Variants in MMP26 observed in about 807,000 individuals in gnomAD.
The protein encoded by MMP26 is matrix metalloproteinase-26.
A neutral mutation model predicts 31.0 loss-of-function variants in MMP26; 33 were observed. That is an observed-to-expected ratio of 1.06 (90% CI 0.81 to 1.42). MMP26 has a LOEUF of 1.42. MMP26 is among the 40% of genes most tolerant of loss of function. The probability of loss-of-function intolerance (pLI) is 0.00; values close to 1 mark genes in which losing one functional copy is unlikely to be tolerated. For missense variants in MMP26, 347 were observed against 316.1 expected, an observed-to-expected ratio of 1.10 and a Z score of -0.74; for synonymous variants, 122 against 114.9, an observed-to-expected ratio of 1.06 and a Z score of -0.40.
intron 2 of MMP26, among the ~76,000 whole-genome samples, chr11:4,982,465 A>G (rs1271431755): frequency 6.6e-6 from 1 of 152,160 alleles, no homozygotes; most frequent in Non-Finnish European, 1.5e-5. Flanking sequence ...TGCCTGTATG[A>G]AAGTTAAAAA....
At chr11:4,742,797 G>A (rs1371613229) in intron 1 of MMP26, among the ~76,000 whole-genome samples, 1 of 152,132 alleles carries the variant, frequency 6.6e-6, no homozygotes. Context: ...ACTTTGCAAG[G>A]TAGTTGAAAC....
chr11:4,891,884 AT>A (rs1263716274), intron 2 of MMP26, among the ~76,000 whole-genome samples: 3 of 152,030 alleles, frequency 2.0e-5, no homozygotes, highest in Non-Finnish European at 4.4e-5. Flanking sequence ...GCCTGGGACC[AT>A]TTTTTCTCCC....
At chr11:4,991,624 C>T in intron 6 of MMP26, 128 bp downstream of exon 6, 1 of 1,150,024 alleles carries the variant, frequency 8.7e-7, no homozygotes, top group Non-Finnish European at 1.2e-6. Context: ...ATCAGGTCTT[C>T]TTTATAAGTG....
chr11:4,812,169 T>C (rs1247761534), intron 2 of MMP26, among the ~76,000 whole-genome samples: 1 of 152,180 alleles, frequency 6.6e-6, no homozygotes, highest in Non-Finnish European at 1.5e-5. Context: ...TTTGGGGATA[T>C]TGACATGAGA....
chr11:4,856,804 T>TTG (rs1398671849), intron 2 of MMP26, among the ~76,000 whole-genome samples: 1 of 152,160 alleles, frequency 6.6e-6, no homozygotes, highest in Non-Finnish European at 1.5e-5. Flanking sequence ...TATTCCAAAA[T>TTG]TGACCACATA....
chr11:4,781,298 T>C (rs1483067857), intron 2 of MMP26, among the ~76,000 whole-genome samples: 7 of 130,260 alleles, frequency 5.4e-5, no homozygotes, highest in Admixed American at 1.4e-4. Context: ...CCTTAAAAAC[T>C]GATTGCAGGG....
At chr11:4,965,835 C>T (rs1446384209) in intron 2 of MMP26, among the ~76,000 whole-genome samples, 1 of 152,152 alleles carries the variant, frequency 6.6e-6, no homozygotes, top group Non-Finnish European at 1.5e-5. Flanking sequence ...TGGAAGCATC[C>T]ATTCCTATAC....
chr11:4,809,319 C>A (rs1849319069), intron 2 of MMP26, among the ~76,000 whole-genome samples: 1 of 152,130 alleles, frequency 6.6e-6, no homozygotes, highest in African/African-American at 2.4e-5. Context: ...AAAATAAAAT[C>A]AACTTGTAAA....
chr11:4,742,502 A>G (rs1848328098), intron 1 of MMP26, among the ~76,000 whole-genome samples: 1 of 152,124 alleles, frequency 6.6e-6, no homozygotes, highest in Non-Finnish European at 1.5e-5. Flanking sequence ...GCCTAGATAT[A>G]TGATTAAACA....
chr11:4,981,731 A>G (rs1479595896), intron 2 of MMP26, among the ~76,000 whole-genome samples: 1 of 152,026 alleles, frequency 6.6e-6, no homozygotes, highest in Non-Finnish European at 1.5e-5. Flanking sequence ...TTGTAACAGC[A>G]CTTAGCTTAA....
Position 4,924,205 on chromosome 11 carries a change from G to T in MMP26, c.-144-63863G>T, listed in dbSNP as rs770944734. 3 of 1,614,184 alleles carry T rather than the reference G, an allele frequency of 1.9e-6. No homozygotes were observed. In the South Asian group the frequency reaches 3.3e-5, roughly 18 times the overall value. ...CAGTACAAATGACGTGGAGAATGGT[G>T]AGGTTCCCCAAGATAACTGTCAGGT... On this transcript the variant is annotated intron_variant, in intron 2 of 7. Coordinates refer to ENST00000380390, the MANE Select transcript of MMP26 (RefSeq NM_021801.5).
At chr11:4,846,025 C>G (rs568004697) in intron 2 of MMP26, among the ~76,000 whole-genome samples, 1 of 152,088 alleles carries the variant, frequency 6.6e-6, no homozygotes, top group South Asian at 2.1e-4. Flanking sequence ...TTAGAGCTTC[C>G]CTATGATCCA....
chr11:4,911,252 CT>C (rs1394640402), intron 2 of MMP26, among the ~76,000 whole-genome samples: 5 of 152,096 alleles, frequency 3.3e-5, no homozygotes, highest in African/African-American at 1.2e-4. Context: ...TATCTCTCAG[CT>C]TTTTCTCAGA....
chr11:4,833,639 C>T (rs1278472360), intron 2 of MMP26, among the ~76,000 whole-genome samples: 3 of 152,272 alleles, frequency 2.0e-5, no homozygotes, highest in Non-Finnish European at 2.9e-5. Context: ...GCCTGTTGAG[C>T]TGAAATGTGC....
chr11:4,892,521 T>C (rs2133550266), intron 2 of MMP26, among the ~76,000 whole-genome samples: 1 of 152,318 alleles, frequency 6.6e-6, no homozygotes, highest in Middle Eastern at 3.4e-3. Context: ...GCCCAGCTTG[T>C]GTCAGGCCGA....
At chr11:4,907,862 A>G (rs1421299183) in intron 2 of MMP26, 1 of 1,613,864 alleles carries the variant, frequency 6.2e-7, no homozygotes, top group South Asian at 1.1e-5. Context: ...CACCTTAAGG[A>G]GATTAAAATA....
chr11:4,805,954 C>T (rs1849263167), intron 2 of MMP26, among the ~76,000 whole-genome samples: 1 of 152,086 alleles, frequency 6.6e-6, no homozygotes, highest in Non-Finnish European at 1.5e-5. Context: ...TCAGTTCTTA[C>T]CACCTTCAAA....
chr11:4,858,061 C>T (rs879346222), intron 2 of MMP26, among the ~76,000 whole-genome samples: 4 of 151,982 alleles, frequency 2.6e-5, no homozygotes, highest in African/African-American at 4.8e-5. Context: ...AACTAGGTGT[C>T]GATGGGACGT....
chr11:4,820,998 C>T (rs374637808), intron 2 of MMP26, among the ~76,000 whole-genome samples: 27 of 152,136 alleles, frequency 1.8e-4, no homozygotes, highest in Non-Finnish European at 3.8e-4. Flanking sequence ...ATAATATTCA[C>T]ATTTCAGATA....
Sources: allele counts gnomAD v4.1 joint callset (sites outside exome capture counted in the v4.1 genomes callset), GRCh38; gene constraint gnomAD v4.1.1; transcripts MANE v1.5; gene names NCBI Gene and HGNC (gene_info 2026-07-23, HGNC 2026-07-21).